The following GALNTL5 variants were observed in gnomAD, a reference collection of about 807,000 sequenced individuals.
GALNTL5 encodes the protein inactive polypeptide N-acetylgalactosaminyltransferase-like protein 5.
A neutral mutation model predicts 51.0 loss-of-function variants in GALNTL5; 44 were observed. The observed-to-expected ratio is 0.86, with a 90% CI of 0.68 to 1.11. The LOEUF (loss-of-function observed/expected upper bound fraction) is 1.11. Ranked by LOEUF, GALNTL5 falls within the 50% of genes least tolerant of loss-of-function variation. GALNTL5 has a pLI of 0.00. For synonymous variants in GALNTL5, 192 were observed against 182.8 expected (o/e 1.05, Z -0.41); for missense variants, 528 against 531.8 (o/e 0.99, Z 0.07).
At position 152,002,833 on chromosome 7, in the gene GALNTL5, G is replaced by C. The variant is rs1157535982; in HGVS notation, c.778G>C (p.Asp260His). The change falls in exon 6 of 9, where the codon GAT (aspartate) becomes CAT (histidine). Residue 260 changes from aspartate to histidine, a missense_variant. Physicochemically the swap from Asp to His is moderately conservative, Grantham distance 81 (BLOSUM62 -1). Transcript: ENST00000392800. Reference protein sequence around the residue: ...MVVCPLIDVIDDRTLEYKPSP... With the variant: ...MVVCPLIDVIHDRTLEYKPSP... ...GGTGTGCCCCCTGATAGATGTCATT[G>C]ATGATAGAACTCTGGAGTATAAGCC... The C allele has an allele frequency of 6.2e-7, 1 of 1,614,174 alleles. No homozygotes were observed. The highest frequency in any genetic ancestry group is 2.2e-5 in the East Asian group (1 of 44,874).
intron 3 of GALNTL5, among the ~76,000 whole-genome samples, chr7:151,972,957 G>T (rs997396547): frequency 2.0e-5 from 3 of 152,150 alleles, no homozygotes. Context: ...CCTTCCTTCA[G>T]ACCCCAGAAT....
intron 5 of GALNTL5, among the ~76,000 whole-genome samples, chr7:151,988,237 G>T (rs1402847961): frequency 6.6e-6 from 1 of 152,176 alleles, no homozygotes; most frequent in African/African-American, 2.4e-5. Flanking sequence ...TCTGGGGAGG[G>T]ACTTTGTTGT....
chr7:151,999,267 T>C (rs1274474744), intron 5 of GALNTL5, among the ~76,000 whole-genome samples: 4 of 152,130 alleles, frequency 2.6e-5, no homozygotes, highest in Non-Finnish European at 5.9e-5. Flanking sequence ...TCTCCATTCA[T>C]CCATTGATGG....
At chr7:151,974,041 A>T (rs1482748763) in intron 3 of GALNTL5, among the ~76,000 whole-genome samples, 4 of 152,158 alleles carry the variant, frequency 2.6e-5, no homozygotes, top group African/African-American at 9.7e-5. Flanking sequence ...TGCCATGATT[A>T]TAAGTTTCCT....
At chr7:151,980,786 C>T (rs1195530688) in intron 3 of GALNTL5, among the ~76,000 whole-genome samples, 1 of 121,080 alleles carries the variant, frequency 8.3e-6, no homozygotes, top group Non-Finnish European at 1.6e-5. Flanking sequence ...CGCTCTGTCG[C>T]CCAGGCTGGA....
intron 5 of GALNTL5, among the ~76,000 whole-genome samples, chr7:151,999,142 T>G (rs1414331381): frequency 6.6e-6 from 1 of 152,220 alleles, no homozygotes; most frequent in African/African-American, 2.4e-5. Flanking sequence ...TAACTTTTTG[T>G]GTCGGGCTTC....
rs60393786 is a variant in GALNTL5, at chr7:151,996,794, T to TA, written c.659-5910dup. On this transcript the variant is annotated intron_variant, in intron 5 of 8. Coordinates refer to ENST00000392800, the MANE Select transcript of GALNTL5 (RefSeq NM_145292.4). ...ATACAGCAATAACATAACGTGTAGG[T>TA]AAAAAAAAAAGAAAAAATATTTTTA... 3.5e-3 allele frequency among the ~76,000 whole-genome samples: 505 copies of TA among 146,172 alleles called. 3 individuals carry two copies. The highest frequency in any genetic ancestry group is 4.7e-3 in the Non-Finnish European group (313 of 66,706).
chr7:152,014,573 A>G (rs2081781069), intron 7 of GALNTL5, 71 bp from the exon 8 acceptor site: 3 of 1,449,042 alleles, frequency 2.1e-6, no homozygotes, highest in Admixed American at 2.2e-5. Flanking sequence ...TGGCCATTAT[A>G]TTGGTTTAAA....
At chr7:151,963,005 C>G (rs757570076) in intron 1 of GALNTL5, among the ~76,000 whole-genome samples, 8 of 152,128 alleles carry the variant, frequency 5.3e-5, no homozygotes, top group Non-Finnish European at 1.2e-4. Context: ...TTTGTGAGCC[C>G]TTTACATAGC....
intron 6 of GALNTL5, among the ~76,000 whole-genome samples, chr7:152,004,845 G>A (rs1244584883): frequency 1.3e-5 from 2 of 152,026 alleles, no homozygotes; most frequent in African/African-American, 4.8e-5. Flanking sequence ...TCTTTATCCA[G>A]TCTTCCACTG....
intron 3 of GALNTL5, among the ~76,000 whole-genome samples, chr7:151,979,975 T>C (rs548603749): frequency 6.6e-6 from 1 of 152,344 alleles, no homozygotes; most frequent in African/African-American, 2.4e-5. Context: ...GCAGCAGAAG[T>C]CATCCTGGAC....
intron 1 of GALNTL5, chr7:151,957,841 C>A (rs557130834): frequency 6.6e-6 from 1 of 152,174 alleles, no homozygotes; most frequent in African/African-American, 2.4e-5. Context: ...CTTCTGAAGA[C>A]ACAAAGTCCA....
intron 3 of GALNTL5, among the ~76,000 whole-genome samples, chr7:151,979,372 C>G (rs1034476800): frequency 4.0e-5 from 6 of 150,906 alleles, no homozygotes; most frequent in Non-Finnish European, 8.8e-5. Context: ...CCTCAGCCTC[C>G]CAAAGTGCTG....
At chr7:151,957,127 G>A (rs1280453027) in intron 1 of GALNTL5, among the ~76,000 whole-genome samples, 2 of 142,550 alleles carry the variant, frequency 1.4e-5, no homozygotes, top group African/African-American at 5.3e-5. Flanking sequence ...ATGAAAGAGT[G>A]AGACTCTGTC....
rs145653164 is a variant in GALNTL5 at position 151,993,946 on chromosome 7, G to A, written c.658+6665G>A. Among the ~76,000 whole-genome samples, 243 of 152,236 alleles carry A rather than the reference G, an allele frequency of 1.6e-3. 2 individuals are homozygous for A. Among genetic ancestry groups the A allele is most frequent in the African/African-American group, 4.8e-3 (200 of 41,562 alleles). On this transcript the variant is annotated intron_variant, in intron 5 of 8. Transcript: ENST00000392800. Reference sequence around the variant, plus strand: ...TCTTCTATGTGTATTTTCAAAGAATGTATATTTTTTCTTTATGGTTGTAGG... The same window carrying A: ...TCTTCTATGTGTATTTTCAAAGAATATATATTTTTTCTTTATGGTTGTAGG...
At chr7:151,979,106 C>CCTTTTTT (rs1554405638) in intron 3 of GALNTL5, among the ~76,000 whole-genome samples, 5 of 71,164 alleles carry the variant, frequency 7.0e-5, no homozygotes, top group Non-Finnish European at 9.1e-5. Flanking sequence ...TACTTTTACT[C>CCTTTTTT]TTTTTTTTTT....
chr7:151,977,870 C>T (rs1352324031), intron 3 of GALNTL5, among the ~76,000 whole-genome samples: 1 of 152,128 alleles, frequency 6.6e-6, no homozygotes, highest in Admixed American at 6.5e-5. Context: ...TATCTTATTT[C>T]CCTAATTACT....
At chr7:151,982,931 AC>A (rs1283402827) in intron 3 of GALNTL5, 54 bp from the exon 4 acceptor site, 1 of 1,613,164 alleles carries the variant, frequency 6.2e-7, no homozygotes, top group Admixed American at 1.7e-5. Flanking sequence ...ACGAGATGAC[AC>A]AACATCCAAG....
At chr7:151,967,828 G>A (rs1249925751) in intron 2 of GALNTL5, among the ~76,000 whole-genome samples, 1 of 152,042 alleles carries the variant, frequency 6.6e-6, no homozygotes, top group Non-Finnish European at 1.5e-5. Context: ...GAATTGATGG[G>A]TGTCTTTCTC....
Sources: gnomAD v4.1 joint callset for allele counts (sites outside exome capture counted in the v4.1 genomes callset) on GRCh38, gnomAD v4.1.1 for gene constraint, MANE v1.5 for transcripts, NCBI Gene and HGNC (gene_info 2026-07-23, HGNC 2026-07-21) for gene names.